BMPR1A: variants seen among roughly 807,000 people sequenced by gnomAD.
BMPR1A encodes bone morphogenetic protein receptor type-1A.
A neutral mutation model predicts 66.0 loss-of-function variants in BMPR1A; 7 were observed. The ratio of observed to expected loss-of-function variants is 0.11; its 90% confidence interval spans 0.06 to 0.20. The LOEUF is 0.20. Among genes scored for constraint, BMPR1A ranks in the 10% least tolerant of loss-of-function variants. The pLI is 1.00. For synonymous variants in BMPR1A, 200 were observed against 229.7 expected (o/e 0.87, Z 1.17); for missense variants, 408 against 669.1 (o/e 0.61, Z 4.31).
At position 86,896,447 on chromosome 10, in the gene BMPR1A, G is replaced by A. The variant is rs944653852; in HGVS notation, c.334-3347G>A. Among the ~76,000 whole-genome samples, 14 of 152,024 alleles carry A rather than the reference G, an allele frequency of 9.2e-5. 1 individual carries two copies. In the East Asian group the frequency reaches 2.7e-3, roughly 29 times the overall value. ...AAGACTTAAAGACATACAGTTATAG[G>A]AAATAAAAGAATTTTTATGTACTTA... On this transcript the variant is annotated intron_variant, in intron 5 of 12. Transcript: ENST00000372037.
At chr10:86,870,167 A>G (rs1842837651) in intron 2 of BMPR1A, among the ~76,000 whole-genome samples, 1 of 152,100 alleles carries the variant, frequency 6.6e-6, no homozygotes, top group African/African-American at 2.4e-5. Flanking sequence ...TCATAGCTGA[A>G]TATTACCGTT....
chr10:86,907,365 C>T (rs1293799327), intron 7 of BMPR1A, among the ~76,000 whole-genome samples: 1 of 152,120 alleles, frequency 6.6e-6, no homozygotes. Context: ...AAAGGGGAAC[C>T]CTAGCACACT....
chr10:86,868,182 C>CGTA (rs1270743044), intron 2 of BMPR1A, among the ~76,000 whole-genome samples: 1 of 152,102 alleles, frequency 6.6e-6, no homozygotes, highest in Non-Finnish European at 1.5e-5. Context: ...AATGTCTTAC[C>CGTA]CATAGCAAGA....
intron 1 of BMPR1A, among the ~76,000 whole-genome samples, chr10:86,816,725 G>C (rs753603503): frequency 6.6e-6 from 1 of 152,190 alleles, no homozygotes; most frequent in Non-Finnish European, 1.5e-5. Flanking sequence ...AACAGAGCCC[G>C]ATATTTAAGG....
intron 2 of BMPR1A, chr10:86,856,177 G>A (rs2133208327): frequency 7.6e-6 from 4 of 527,852 alleles, no homozygotes; most frequent in Admixed American, 2.0e-5. Flanking sequence ...TAACCACAGA[G>A]TTTGACAATA....
chr10:86,778,260 T>C (rs562737877), intron 1 of BMPR1A, among the ~76,000 whole-genome samples: 12 of 151,986 alleles, frequency 7.9e-5, no homozygotes, highest in African/African-American at 2.2e-4. Context: ...TCATCAGCTA[T>C]CATTAGTGGA....
intron 1 of BMPR1A, among the ~76,000 whole-genome samples, chr10:86,789,665 A>G (rs11202183): frequency 0.094 from 14,254 of 151,378 alleles, 1,413 homozygotes; most frequent in African/African-American, 0.25. Flanking sequence ...GTGAGCCAAA[A>G]TCATGCCACT....
chr10:86,921,509 T>C lies in BMPR1A; in HGVS notation c.1167-11T>C, dbSNP rs762641480. 14 of 1,613,864 alleles carry C rather than the reference T, an allele frequency of 8.7e-6. No homozygotes were observed. The highest frequency in any genetic ancestry group is 1.2e-5 in the Non-Finnish European group (14 of 1,179,864). On this transcript the variant is annotated splice_polypyrimidine_tract_variant and intron_variant, in intron 10 of 12. Coordinates refer to ENST00000372037, the MANE Select transcript of BMPR1A (RefSeq NM_004329.3). ...GCCCTCAACTTGGACCTTGGCTTTCTTTTGTTTCAGTGACACAAATGAAGT... is the reference window on the plus strand; with the variant it reads ...GCCCTCAACTTGGACCTTGGCTTTCCTTTGTTTCAGTGACACAAATGAAGT...
intron 2 of BMPR1A, among the ~76,000 whole-genome samples, chr10:86,859,230 CCT>C (rs1024548145): frequency 3.9e-5 from 6 of 152,120 alleles, no homozygotes; most frequent in African/African-American, 1.2e-4. Flanking sequence ...AAACTGTACC[CCT>C]GTCTTTCACC....
At chr10:86,759,985 A>G (rs1014641388) in intron 1 of BMPR1A, among the ~76,000 whole-genome samples, 1 of 30,960 alleles carries the variant, frequency 3.2e-5, no homozygotes, top group Non-Finnish European at 7.4e-5. Context: ...CTCCACCCCC[A>G]CCCCCTAACT....
chr10:86,814,907 TC>T (rs1842014418), intron 1 of BMPR1A, among the ~76,000 whole-genome samples: 1 of 152,130 alleles, frequency 6.6e-6, no homozygotes, highest in African/African-American at 2.4e-5. Context: ...TGCCTCAGCC[TC>T]CCGAGTAGCT....
chr10:86,917,313 T>G lies in BMPR1A; in HGVS notation c.855T>G (p.His285Gln), dbSNP rs1843588940. ...TEIYQTVLMR[H>Q]ENILGFIAAD... The stretch of plus-strand genomic sequence containing the variant: ...TCTACCAAACTGTGCTAATGCGCCA[T>G]GAAAACATACTTGGTGGGTACACAC... Residue 285 changes from histidine (H) to glutamine (Q), a missense_variant, in exon 9 of 13, where the codon CAT becomes CAG. By Grantham distance (24) the His-to-Gln change is conservative. Around this residue, in one of 5 missense-constraint regions of BMPR1A, gnomAD observed 174 missense variants for 265.1 expected, o/e 0.66. Coordinates refer to ENST00000372037, the MANE Select transcript of BMPR1A (RefSeq NM_004329.3). The G allele has an allele frequency of 6.2e-7, 1 of 1,614,154 alleles. No individual in the cohort carries two copies. Among genetic ancestry groups the G allele is most frequent in the South Asian group, 1.1e-5 (1 of 91,062 alleles).
In BMPR1A at chr10:86,887,003, T is replaced by A. The variant is rs550098619; in HGVS notation, c.68-3059T>A. The stretch of plus-strand genomic sequence containing the variant: ...TTGCCACCACGCCCAGCTAATTTTT[T>A]AATATTTTTAGTAGAGACGGGGTTT... On this transcript the variant is annotated intron_variant, in intron 3 of 12. Coordinates refer to ENST00000372037, the MANE Select transcript of BMPR1A (RefSeq NM_004329.3). Among the ~76,000 whole-genome samples, 6 of 152,012 alleles carry A rather than the reference T, an allele frequency of 3.9e-5. No homozygotes were observed. In the South Asian group the frequency reaches 1.0e-3, roughly 26 times the overall value.
At chr10:86,900,462 T>A (rs1210332778) in intron 7 of BMPR1A, among the ~76,000 whole-genome samples, 1 of 152,004 alleles carries the variant, frequency 6.6e-6, no homozygotes, top group Non-Finnish European at 1.5e-5. Context: ...TTTAGAAATT[T>A]GGAGCTCCAG....
intron 2 of BMPR1A, among the ~76,000 whole-genome samples, chr10:86,868,778 G>GTGTTTTTTTTTTTTTTTTTT (rs572972222): frequency 7.1e-6 from 1 of 141,046 alleles, no homozygotes; most frequent in African/African-American, 2.6e-5. Flanking sequence ...CTTTTCCTGT[G>GTGTTTTTTTTTTTTTTTTTT]TTTTTTTTTT....
At chr10:86,766,680 A>C (rs375230271) in intron 1 of BMPR1A, among the ~76,000 whole-genome samples, 3 of 140,606 alleles carry the variant, frequency 2.1e-5, no homozygotes, top group African/African-American at 5.7e-5. Context: ...CAGTGGCGCT[A>C]TCTCTGCTCA....
chr10:86,865,528 CA>C (rs1205868456), intron 2 of BMPR1A, among the ~76,000 whole-genome samples: 1 of 152,214 alleles, frequency 6.6e-6, no homozygotes, highest in Non-Finnish European at 1.5e-5. Flanking sequence ...AGCCCGCCTG[CA>C]CCCAGGTGAT....
At chr10:86,866,208 A>AT (rs967635712) in intron 2 of BMPR1A, among the ~76,000 whole-genome samples, 1 of 150,306 alleles carries the variant, frequency 6.7e-6, no homozygotes, top group African/African-American at 2.5e-5. Flanking sequence ...GAATCTATAG[A>AT]TAGAAGAGGG....
chr10:86,759,479 C>G (rs1840994239), intron 1 of BMPR1A, among the ~76,000 whole-genome samples: 3 of 152,138 alleles, frequency 2.0e-5, no homozygotes, highest in South Asian at 4.1e-4. Flanking sequence ...TTCTGAGCTG[C>G]TTTTCCTTAG....
Sources: allele counts gnomAD v4.1 joint callset (sites outside exome capture counted in the v4.1 genomes callset), GRCh38; gene constraint gnomAD v4.1.1; regional missense constraint gnomAD v4.1.1; transcripts MANE v1.5; gene names NCBI Gene and HGNC (gene_info 2026-07-23, HGNC 2026-07-21).